Variants in RCAN2 observed in about 807,000 individuals in gnomAD.
RCAN2 encodes regulator of calcineurin 2, also known as calcipressin-2.
A neutral mutation model predicts 23.6 loss-of-function variants in RCAN2; 9 were observed. The ratio of observed to expected loss-of-function variants is 0.38; its 90% CI spans 0.23 to 0.67. The LOEUF (loss-of-function observed/expected upper bound fraction) is 0.67, where lower values mean the gene tolerates loss of function less well. RCAN2 is among the 30% of genes least tolerant of loss of function. The probability of loss-of-function intolerance (pLI) is 0.51; values close to 1 mark genes in which losing one functional copy is unlikely to be tolerated. For missense variants in RCAN2, 273 were observed against 302.3 expected, an observed-to-expected ratio of 0.90 and a Z score of 0.72; for synonymous variants, 109 against 115.7, an observed-to-expected ratio of 0.94 and a Z score of 0.37.
intron 1 of RCAN2, among the ~76,000 whole-genome samples, chr6:46,460,923 T>C (rs527375538): frequency 6.6e-6 from 1 of 152,230 alleles, no homozygotes; most frequent in South Asian, 2.1e-4. Flanking sequence ...GTTTGATTTC[T>C]AAAATGTAAT....
At chr6:46,358,507 A>G (rs1156427859) in intron 2 of RCAN2, among the ~76,000 whole-genome samples, 2 of 152,204 alleles carry the variant, frequency 1.3e-5, no homozygotes, top group East Asian at 1.9e-4. Flanking sequence ...GAACATCAGC[A>G]GGAACTAAGC....
chr6:46,363,711 G>T (rs1182639830), intron 2 of RCAN2, among the ~76,000 whole-genome samples: 1 of 152,048 alleles, frequency 6.6e-6, no homozygotes, highest in Non-Finnish European at 1.5e-5. Flanking sequence ...TATCGTTGGG[G>T]ATTACCTCTA....
chr6:46,402,292 G>A (rs942830479), intron 2 of RCAN2, among the ~76,000 whole-genome samples: 1 of 152,060 alleles, frequency 6.6e-6, no homozygotes, highest in Non-Finnish European at 1.5e-5. Context: ...ATATGTGTGT[G>A]TTGTGTGTGT....
chr6:46,471,093 T>A (rs1768544152), intron 1 of RCAN2, among the ~76,000 whole-genome samples: 1 of 152,144 alleles, frequency 6.6e-6, no homozygotes, highest in Admixed American at 6.5e-5. Context: ...AAGGTGAGGC[T>A]GGTAAGGAAG....
intron 2 of RCAN2, among the ~76,000 whole-genome samples, chr6:46,321,672 C>T (rs1400235810): frequency 2.0e-5 from 3 of 152,122 alleles, no homozygotes; most frequent in Non-Finnish European, 4.4e-5. Context: ...GTTTGGATGC[C>T]CCCTGGCAGA....
Position 46,364,957 on chromosome 6 carries a change from T to G in RCAN2, c.225+91795A>C, listed in dbSNP as rs141617740. 8.5e-4 allele frequency among the ~76,000 whole-genome samples: 129 copies of G among 152,240 alleles called. 2 individuals are homozygous for G. The highest frequency in any genetic ancestry group is 2.7e-3 in the African/African-American group (113 of 41,544). ...CTACCTGGAATGCTCTTTCTCCAAG[T>G]ACCAACATAAATGGCTCCCTTTATC... On this transcript the variant is annotated intron_variant, in intron 2 of 4. Transcript: ENST00000371374.
intron 2 of RCAN2, among the ~76,000 whole-genome samples, chr6:46,332,058 A>G (rs1383549441): frequency 2.6e-5 from 4 of 152,202 alleles, no homozygotes; most frequent in Non-Finnish European, 4.4e-5. Context: ...TATGTCTTAC[A>G]GTCATTTAGA....
intron 2 of RCAN2, among the ~76,000 whole-genome samples, chr6:46,330,947 T>C (rs1763948166): frequency 6.6e-6 from 1 of 152,234 alleles, no homozygotes; most frequent in African/African-American, 2.4e-5. Flanking sequence ...GATGGTGCTA[T>C]GTGTACTTCT....
At chr6:46,303,239 G>A (rs927124050) in intron 2 of RCAN2, among the ~76,000 whole-genome samples, 13 of 151,750 alleles carry the variant, frequency 8.6e-5, no homozygotes, top group African/African-American at 2.9e-4. Context: ...GAACCAACAC[G>A]AGATGTATAT....
chr6:46,281,495 A>G (rs1582060988), intron 2 of RCAN2, among the ~76,000 whole-genome samples: 2 of 152,230 alleles, frequency 1.3e-5, no homozygotes, highest in African/African-American at 4.8e-5. Flanking sequence ...GTGGTTAAGA[A>G]AGCAGGCATG....
At chr6:46,405,106 G>A (rs1462418595) in intron 2 of RCAN2, among the ~76,000 whole-genome samples, 1 of 152,128 alleles carries the variant, frequency 6.6e-6, no homozygotes, top group African/African-American at 2.4e-5. Flanking sequence ...GCGGACCCTC[G>A]CGGTGAGTGT....
At chr6:46,242,202 G>A (rs1280125717) in intron 4 of RCAN2, among the ~76,000 whole-genome samples, 1 of 152,172 alleles carries the variant, frequency 6.6e-6, no homozygotes, top group African/African-American at 2.4e-5. Flanking sequence ...CTTTCTTTAT[G>A]TTTGTTTCTA....
chr6:46,489,108 C>T (rs1344924860), intron 1 of RCAN2, among the ~76,000 whole-genome samples: 1 of 152,144 alleles, frequency 6.6e-6, no homozygotes, highest in Admixed American at 6.5e-5. Flanking sequence ...TGTAGGTGTC[C>T]TCTGAATGTG....
At chr6:46,466,568 G>T (rs1167511213) in intron 1 of RCAN2, among the ~76,000 whole-genome samples, 4 of 152,100 alleles carry the variant, frequency 2.6e-5, no homozygotes, top group Non-Finnish European at 5.9e-5. Flanking sequence ...CCCCATCTCA[G>T]TACCTAGCAG....
At chr6:46,446,227 T>C (rs1767701909) in intron 2 of RCAN2, among the ~76,000 whole-genome samples, 1 of 150,234 alleles carries the variant, frequency 6.7e-6, no homozygotes, top group African/African-American at 2.4e-5. Context: ...AATAGACTTT[T>C]TTACATAAAC....
chr6:46,277,795 C>G (rs185815037), intron 2 of RCAN2, among the ~76,000 whole-genome samples: 80 of 152,052 alleles, frequency 5.3e-4, no homozygotes, highest in African/African-American at 1.9e-3. Context: ...CTATTTCTGT[C>G]TTCTTCAGTA....
intron 2 of RCAN2, among the ~76,000 whole-genome samples, chr6:46,284,639 G>C (rs554779751): frequency 3.9e-5 from 6 of 152,144 alleles, no homozygotes; most frequent in Non-Finnish European, 7.4e-5. Context: ...TTCTGCTGAG[G>C]GGGGAGCCTG....
chr6:46,326,075 A>G (rs2150364506), intron 2 of RCAN2, among the ~76,000 whole-genome samples: 1 of 152,250 alleles, frequency 6.6e-6, no homozygotes. Context: ...GAGCAGCCAC[A>G]CATGTTCTGG....
chr6:46,450,150 T>C (rs769134185), intron 2 of RCAN2, among the ~76,000 whole-genome samples: 9 of 151,924 alleles, frequency 5.9e-5, no homozygotes, highest in Admixed American at 2.0e-4. Context: ...AGGAGCTGAA[T>C]TGACATTTCT....
Sources: allele counts gnomAD v4.1 joint callset (sites outside exome capture counted in the v4.1 genomes callset), GRCh38; gene constraint gnomAD v4.1.1; transcripts MANE v1.5; gene names NCBI Gene and HGNC (gene_info 2026-07-23, HGNC 2026-07-21).